Variants in DIAPH3 observed in about 807,000 individuals in gnomAD.
DIAPH3 encodes diaphanous related formin 3, also known as protein diaphanous homolog 3.
In DIAPH3, 117 loss-of-function variants were observed where a neutral mutation model predicts 144.3. That is an observed-to-expected ratio of 0.81 (90% CI 0.70 to 0.95). DIAPH3 has a LOEUF of 0.95. Among genes scored for constraint, DIAPH3 ranks in the 40% least tolerant of loss-of-function variants. The pLI is 0.00. For synonymous variants in DIAPH3, 519 were observed against 488.9 expected, an observed-to-expected ratio of 1.06 and a Z score of -0.81; for missense variants, 1,421 against 1,412.7, an observed-to-expected ratio of 1.01 and a Z score of -0.09.
chr13:60,134,523 T>C (rs1415361873), intron 1 of DIAPH3, among the ~76,000 whole-genome samples: 1 of 152,194 alleles, frequency 6.6e-6, no homozygotes, highest in Non-Finnish European at 1.5e-5. Flanking sequence ...GCTGGGGCAA[T>C]GCCTGTGTGA....
chr13:60,156,941 T>TA (rs1566834028), intron 1 of DIAPH3, among the ~76,000 whole-genome samples: 3,399 of 25,918 alleles, frequency 0.13, 77 homozygotes, highest in East Asian at 0.29. Flanking sequence ...ATATATATAT[T>TA]TTTTTTTTTT....
At chr13:60,023,782 AGTTTATCCT>A (rs1427147073) in intron 5 of DIAPH3, among the ~76,000 whole-genome samples, 4 of 135,748 alleles carry the variant, frequency 2.9e-5, no homozygotes, top group African/African-American at 1.1e-4. Flanking sequence ...AATTTCTTTG[AGTTTATCCT>A]GTTTGTGATT....
chr13:60,092,862 G>C (rs2057995479), intron 4 of DIAPH3, among the ~76,000 whole-genome samples: 1 of 152,162 alleles, frequency 6.6e-6, no homozygotes, highest in Admixed American at 6.5e-5. Flanking sequence ...CCTGAACTTA[G>C]GTTAAAATAC....
chr13:59,865,689 T>C (rs1011894922), intron 21 of DIAPH3, among the ~76,000 whole-genome samples: 1 of 152,024 alleles, frequency 6.6e-6, no homozygotes, highest in Non-Finnish European at 1.5e-5. Context: ...AAGTGGATCC[T>C]GTAATAAATC....
intron 1 of DIAPH3, 31 bp from the exon 2 acceptor site, chr13:60,133,020 T>C: frequency 6.6e-7 from 1 of 1,523,476 alleles, no homozygotes; most frequent in Non-Finnish European, 9.1e-7. Flanking sequence ...ATCATATTAG[T>C]AATTTATAAC....
chr13:59,764,768 T>C (rs2037784812), intron 27 of DIAPH3, among the ~76,000 whole-genome samples: 2 of 151,748 alleles, frequency 1.3e-5, no homozygotes, highest in African/African-American at 4.8e-5. Flanking sequence ...GAGAGAGGCA[T>C]GGAATAGATT....
chr13:59,719,448 T>C (rs2035229218), intron 27 of DIAPH3, among the ~76,000 whole-genome samples: 6 of 152,106 alleles, frequency 3.9e-5, no homozygotes, highest in Admixed American at 3.9e-4. Context: ...TGGAGAGAGG[T>C]TGGCTCTAAG....
intron 7 of DIAPH3, among the ~76,000 whole-genome samples, chr13:60,013,617 G>A (rs2140969815): frequency 6.6e-6 from 1 of 152,184 alleles, no homozygotes; most frequent in African/African-American, 2.4e-5. Context: ...AATGTTATAA[G>A]AAATTCACTT....
At chr13:59,971,328 T>G (rs1427354986) in intron 15 of DIAPH3, among the ~76,000 whole-genome samples, 168 bp from the exon 16 acceptor site, 1 of 152,172 alleles carries the variant, frequency 6.6e-6, no homozygotes, top group East Asian at 1.9e-4. Context: ...TCTTCTAATT[T>G]AAGAATATAA....
At chr13:59,919,385 A>G (rs2047403227) in intron 18 of DIAPH3, among the ~76,000 whole-genome samples, 1 of 152,162 alleles carries the variant, frequency 6.6e-6, no homozygotes, top group Admixed American at 6.5e-5. Flanking sequence ...CAAAGATCAA[A>G]GACAAAGAGG....
intron 13 of DIAPH3, 33 bp downstream of exon 13, chr13:59,983,736 T>A: frequency 7.2e-7 from 1 of 1,393,016 alleles, no homozygotes; most frequent in Non-Finnish European, 1.0e-6. Flanking sequence ...TAAGAGACAA[T>A]AAGATATTTC....
intron 24 of DIAPH3, among the ~76,000 whole-genome samples, chr13:59,825,283 T>G (rs1050490028): frequency 2.6e-5 from 4 of 151,966 alleles, no homozygotes; most frequent in African/African-American, 7.2e-5. Flanking sequence ...TGAGAACATA[T>G]GGTGTTTGGT....
chr13:60,070,601 G>A (rs1302649385), intron 4 of DIAPH3, among the ~76,000 whole-genome samples: 1 of 152,124 alleles, frequency 6.6e-6, no homozygotes, highest in Non-Finnish European at 1.5e-5. Context: ...TCATTCTGGT[G>A]TCATTCCAAC....
chr13:59,921,197 C>T (rs1002222417), intron 18 of DIAPH3, among the ~76,000 whole-genome samples: 2 of 143,524 alleles, frequency 1.4e-5, no homozygotes, highest in Non-Finnish European at 3.1e-5. Flanking sequence ...ACAAGACAAA[C>T]TCAACCCAAA....
intron 21 of DIAPH3, among the ~76,000 whole-genome samples, chr13:59,864,222 A>G (rs2043778039): frequency 6.6e-6 from 1 of 152,114 alleles, no homozygotes. Flanking sequence ...TCATACTATC[A>G]TCTTAAATAG....
chr13:59,974,354 G>T lies in DIAPH3; in HGVS notation c.1648C>A (p.Gln550Lys). The T allele has an allele frequency of 6.2e-7, 1 of 1,611,310 alleles. No homozygotes were observed. Residue 550 changes from glutamine to lysine, a missense_variant and splice_region_variant, in exon 15 of 28, where the codon CAG becomes AAG. Gln to Lys is a moderately conservative substitution (Grantham distance 53). Coordinates refer to ENST00000400324, the MANE Select transcript of DIAPH3 (RefSeq NM_001042517.2). ...LQAELQAFKS[Q>K]FGALPADCNI... is the part of the protein sequence containing the mutation. ...ATTCACTCAGAGTGGAATTTTACCT[G>T]AGACTTAAAAGCTTGTAGCTCTGCT...
intron 27 of DIAPH3, among the ~76,000 whole-genome samples, chr13:59,703,566 T>G (rs892469162): frequency 6.6e-6 from 1 of 152,190 alleles, no homozygotes; most frequent in Non-Finnish European, 1.5e-5. Context: ...TTTTATAGTT[T>G]GTATTTTTCG....
intron 1 of DIAPH3, among the ~76,000 whole-genome samples, chr13:60,135,323 T>C (rs2059243177): frequency 6.6e-6 from 1 of 151,920 alleles, no homozygotes; most frequent in South Asian, 2.1e-4. Context: ...AGATTTAATT[T>C]CCTAAAGGCT....
chr13:59,919,349 A>G (rs1191227457), intron 18 of DIAPH3, among the ~76,000 whole-genome samples: 1 of 152,170 alleles, frequency 6.6e-6, no homozygotes, highest in Non-Finnish European at 1.5e-5. Flanking sequence ...ATCCAATACT[A>G]CACCATGACA....
Sources: gnomAD v4.1 joint callset for allele counts (sites outside exome capture counted in the v4.1 genomes callset) on GRCh38, gnomAD v4.1.1 for gene constraint, MANE v1.5 for transcripts, NCBI Gene and HGNC (gene_info 2026-07-23, HGNC 2026-07-21) for gene names.